Variants in DCAF17 observed in about 807,000 individuals in gnomAD.
DCAF17 encodes the protein DDB1- and CUL4-associated factor 17.
DCAF17 carries 48 observed loss-of-function variants against 66.0 expected under a neutral mutation model. That is an observed-to-expected ratio of 0.73 (90% confidence interval 0.58 to 0.92). DCAF17 has a LOEUF of 0.92. Ranked by LOEUF, DCAF17 falls within the 40% of genes least tolerant of loss-of-function variation. DCAF17 has a pLI of 0.00. For missense variants in DCAF17, 562 were observed against 622.8 expected (o/e 0.90, Z 1.04); for synonymous variants, 206 against 214.6 (o/e 0.96, Z 0.35).
chr2:171,452,506 T>G (rs888003374), intron 5 of DCAF17, among the ~76,000 whole-genome samples: 5 of 152,176 alleles, frequency 3.3e-5, no homozygotes, highest in Non-Finnish European at 4.4e-5. Flanking sequence ...CAGGCTGGAG[T>G]GCAATGGCTT....
At chr2:171,469,432 T>C (rs1255148981) in intron 9 of DCAF17, among the ~76,000 whole-genome samples, 1 of 152,212 alleles carries the variant, frequency 6.6e-6, no homozygotes, top group African/African-American at 2.4e-5. Flanking sequence ...CAGAACCAGA[T>C]GGAACTCTGG....
intron 3 of DCAF17, among the ~76,000 whole-genome samples, chr2:171,444,568 C>T (rs1443633824): frequency 6.6e-6 from 1 of 152,172 alleles, no homozygotes; most frequent in Non-Finnish European, 1.5e-5. Flanking sequence ...GCAAATATCC[C>T]CAAATCCAAA....
rs1288356140 is a variant in DCAF17, at chr2:171,478,051, A to G, written c.1247A>G (p.Asp416Gly). ...RVVKKSFNLLDDDPEQETFKI... is the reference protein window; with the variant it reads ...RVVKKSFNLLGDDPEQETFKI... ...GTAAAAAAAAGTTTTAACCTTCTGG[A>G]TGATGACCCAGAACAAGAGGTATTG... Residue 416 changes from aspartate (D) to glycine (G), a missense_variant, in exon 12 of 14, where the codon GAT becomes GGT. Physicochemically the swap from Asp to Gly is moderately conservative, Grantham distance 94. This residue lies in a region of DCAF17 where 201 missense variants were observed against 231.1 expected (regional missense o/e 0.87). Coordinates refer to ENST00000375255, the MANE Select transcript of DCAF17 (RefSeq NM_025000.4). 1.9e-6 allele frequency: 3 copies of G among 1,613,786 alleles called. No individual in the cohort carries two copies. Among genetic ancestry groups the G allele is most frequent in the Non-Finnish European group, 1.7e-6 (2 of 1,179,732 alleles).
In DCAF17 at chr2:171,481,230, T is replaced by G. The variant is rs1696730888; in HGVS notation, c.*116T>G. 1 of 1,314,374 alleles carries G rather than the reference T, an allele frequency of 7.6e-7. No individual in the cohort carries two copies. Among genetic ancestry groups the G allele is most frequent in the Non-Finnish European group, 1.1e-6 (1 of 915,954 alleles). 81.4% of individuals were successfully genotyped at this position (1,314,374 alleles called of 1,614,324 possible). A position where few individuals can be genotyped will look rare whatever the true frequency, so the allele number is the denominator to read the frequency against. On this transcript the variant is annotated 3_prime_UTR_variant, in exon 14 of 14. Transcript: ENST00000375255. ...TCCAGTATTTTCCAAAAAAGTCTTGTGTTGACTTCAGATGACTATGACTTC... is the reference window on the plus strand; with the variant it reads ...TCCAGTATTTTCCAAAAAAGTCTTGGGTTGACTTCAGATGACTATGACTTC...
At chr2:171,457,177 C>CA (rs1445001263) in intron 6 of DCAF17, among the ~76,000 whole-genome samples, 1 of 152,134 alleles carries the variant, frequency 6.6e-6, no homozygotes, top group Non-Finnish European at 1.5e-5. Flanking sequence ...TAAGAGATGA[C>CA]AAAAAATACA....
intron 2 of DCAF17, among the ~76,000 whole-genome samples, chr2:171,438,097 C>G (rs1694073048): frequency 6.6e-6 from 1 of 152,190 alleles, no homozygotes; most frequent in Non-Finnish European, 1.5e-5. Flanking sequence ...TTAAATTTCT[C>G]CTGGGACTTC....
chr2:171,457,581 A>G (rs186369094), intron 6 of DCAF17, among the ~76,000 whole-genome samples: 3 of 152,256 alleles, frequency 2.0e-5, no homozygotes, highest in Non-Finnish European at 4.4e-5. Flanking sequence ...ACATTTTAGC[A>G]TAAAGAATTG....
chr2:171,468,991 A>G lies in DCAF17; in HGVS notation c.942A>G (p.Lys314=). ...TCACACCTAATAAGAAGAAACAGAA[A>G]GGAGTTTTCCATATTTGTGCCCTAA... The part of the protein sequence containing the change: ...YIVTPNKKKQ[K]GVFHICALKD... Residue 314 remains lysine, a synonymous_variant, in exon 9 of 14, where the codon AAA becomes AAG. Coordinates refer to ENST00000375255, the MANE Select transcript of DCAF17 (RefSeq NM_025000.4). 6.2e-7 allele frequency: 1 copy of G among 1,614,136 alleles called. No individual in the cohort carries two copies. Among genetic ancestry groups the G allele is most frequent in the African/African-American group, 1.3e-5 (1 of 75,058 alleles).
intron 6 of DCAF17, among the ~76,000 whole-genome samples, chr2:171,455,465 G>A (rs540501078): frequency 2.6e-5 from 4 of 152,234 alleles, no homozygotes; most frequent in South Asian, 4.1e-4. Context: ...TGCAGTGAAC[G>A]TATATGTGCA....
At chr2:171,479,883 A>G in intron 12 of DCAF17, 155 bp from the exon 13 acceptor site, 1 of 804,762 alleles carries the variant, frequency 1.2e-6, no homozygotes, top group Non-Finnish European at 1.9e-6. Flanking sequence ...AGGCATATAA[A>G]CAGATACATT....
At chr2:171,444,242 TATG>T (rs1014634280) in intron 3 of DCAF17, among the ~76,000 whole-genome samples, 7 of 152,100 alleles carry the variant, frequency 4.6e-5, no homozygotes, top group African/African-American at 1.4e-4. Flanking sequence ...TACTAATAGG[TATG>T]ATGATTATCA....
Position 171,483,251 on chromosome 2 carries a change from CTT to C in DCAF17, c.*2139_*2140del. ...TCTTCCTGCCCTACCTAAACCCCCT[CTT>C]TACCTGATATTTTAATTCGAGACTC... is the stretch of plus-strand genomic sequence containing the variant. On this transcript the variant is annotated 3_prime_UTR_variant, in exon 14 of 14. Transcript: ENST00000375255. 1 of 454,126 alleles carries C rather than the reference CTT, an allele frequency of 2.2e-6. No individual in the cohort carries two copies. Among genetic ancestry groups the C allele is most frequent in the South Asian group, 1.6e-5 (1 of 64,480 alleles). The allele number at this position is 454,126 out of a possible 1,614,324, so 28.1% of individuals were successfully genotyped here. A position where few individuals can be genotyped will look rare whatever the true frequency, so the allele number is the denominator to read the frequency against.
intron 5 of DCAF17, 160 bp downstream of exon 5, chr2:171,450,117 TGAAG>T: frequency 1.7e-6 from 1 of 592,176 alleles, no homozygotes; most frequent in African/African-American, 1.9e-5. Context: ...TTATTCTAAG[TGAAG>T]TAACTAAGAA....
intron 9 of DCAF17, among the ~76,000 whole-genome samples, chr2:171,471,869 G>A (rs1258098489): frequency 1.3e-5 from 2 of 151,958 alleles, no homozygotes; most frequent in African/African-American, 2.4e-5. Context: ...ACAAAAATTA[G>A]CCAAGTGTGG....
chr2:171,438,679 TG>T (rs1007006894), intron 2 of DCAF17, among the ~76,000 whole-genome samples: 1 of 152,216 alleles, frequency 6.6e-6, no homozygotes, highest in African/African-American at 2.4e-5. Flanking sequence ...AGCTTTCTTT[TG>T]TTTAGTGTTT....
intron 7 of DCAF17, 81 bp from the exon 8 acceptor site, chr2:171,458,291 A>T: frequency 2.4e-6 from 3 of 1,235,212 alleles, no homozygotes; most frequent in South Asian, 1.2e-5. Context: ...TGTCATATAC[A>T]TGTGAATTTT....
At chr2:171,477,467 C>T (rs1696551273) in intron 11 of DCAF17, among the ~76,000 whole-genome samples, 1 of 151,570 alleles carries the variant, frequency 6.6e-6, no homozygotes, top group African/African-American at 2.4e-5. Context: ...TTTTTTTGCC[C>T]ATTCTGGCAT....
In DCAF17 at chr2:171,484,685, T is replaced by C; in HGVS notation, c.*3571T>C. 1 of 454,048 alleles carries C rather than the reference T, an allele frequency of 2.2e-6. No homozygotes were observed. Among genetic ancestry groups the C allele is most frequent in the Non-Finnish European group, 4.4e-6 (1 of 226,760 alleles). The allele number at this position is 454,048 out of a possible 1,614,324, so 28.1% of individuals were successfully genotyped here. A position where few individuals can be genotyped will look rare whatever the true frequency, so the allele number is the denominator to read the frequency against. Reference sequence around the variant, plus strand: ...ATACACCTGTGTAACCCAAACCCTTTCCAAAATTTAGACCATTGCAATCAT... The same window carrying C: ...ATACACCTGTGTAACCCAAACCCTTCCCAAAATTTAGACCATTGCAATCAT... On this transcript the variant is annotated 3_prime_UTR_variant, in exon 14 of 14. Coordinates refer to ENST00000375255, the MANE Select transcript of DCAF17 (RefSeq NM_025000.4).
intron 9 of DCAF17, among the ~76,000 whole-genome samples, chr2:171,470,934 T>C (rs1041313617): frequency 2.0e-5 from 3 of 152,174 alleles, no homozygotes; most frequent in Admixed American, 2.0e-4. Flanking sequence ...CATAGATGCA[T>C]AGATTATATG....
Sources: allele counts gnomAD v4.1 joint callset (sites outside exome capture counted in the v4.1 genomes callset), GRCh38; gene constraint gnomAD v4.1.1; regional missense constraint gnomAD v4.1.1; transcripts MANE v1.5; gene names NCBI Gene and HGNC (gene_info 2026-07-23, HGNC 2026-07-21).